The following DOCK10 variants were observed in gnomAD, a reference collection of about 807,000 sequenced individuals.
The protein encoded by DOCK10 is dedicator of cytokinesis 10.
Under a neutral mutation model 280.1 loss-of-function variants are expected in DOCK10, and 145 were observed. The ratio of observed to expected loss-of-function variants is 0.52; its 90% CI spans 0.45 to 0.59. DOCK10 has a LOEUF of 0.59. Among genes scored for constraint, DOCK10 ranks in the 20% least tolerant of loss-of-function variants. DOCK10 has a pLI of 0.00. For synonymous variants in DOCK10, 915 were observed against 942.2 expected, an observed-to-expected ratio of 0.97 and a Z score of 0.53; for missense variants, 2,368 against 2,651.7, an observed-to-expected ratio of 0.89 and a Z score of 2.35.
rs78300308 is a variant in DOCK10 at position 224,889,493 on chromosome 2, C to G, written c.417-2962G>C. ...CACTTTCAAGAGATGGTATTAGAAGCCTGCATTTAGGAAAGGTGAATCTTT... is the reference window on the plus strand; with the variant it reads ...CACTTTCAAGAGATGGTATTAGAAGGCTGCATTTAGGAAAGGTGAATCTTT... On this transcript the variant is annotated intron_variant, in intron 4 of 55. Coordinates refer to ENST00000258390, the MANE Select transcript of DOCK10 (RefSeq NM_014689.3). Among the ~76,000 whole-genome samples, 634 of 152,276 alleles carry G rather than the reference C, an allele frequency of 4.2e-3. 6 individuals carry two copies. Among genetic ancestry groups the G allele is most frequent in the Non-Finnish European group, 6.0e-3 (406 of 68,024 alleles).
In DOCK10 at chr2:224,851,541, T is replaced by C. The variant is rs1696742901; in HGVS notation, c.2142+836A>G. ...CAATCACTCAAATTGATTATTGTTC[T>C]TCTGAATAATGCTACAAATTAGAGG... On this transcript the variant is annotated intron_variant, in intron 18 of 55. Coordinates refer to ENST00000258390, the MANE Select transcript of DOCK10 (RefSeq NM_014689.3). 2.6e-5 allele frequency among the ~76,000 whole-genome samples: 4 copies of C among 152,038 alleles called. 1 individual carries two copies. The highest frequency in any genetic ancestry group is 2.6e-4 in the Admixed American group (4 of 15,268).
chr2:224,916,548 A>G, intron 3 of DOCK10, 147 bp downstream of exon 3: 1 of 317,876 alleles, frequency 3.1e-6, no homozygotes, highest in Non-Finnish European at 5.6e-6. Flanking sequence ...CTCAAAAAAA[A>G]AAAAAAAAAA....
At position 225,042,190 on chromosome 2, in the gene DOCK10, G is replaced by T. The variant is rs1263275684; in HGVS notation, c.123+62C>A. 5 of 1,221,728 alleles carry T rather than the reference G, an allele frequency of 4.1e-6. No homozygotes were observed. Among genetic ancestry groups the T allele is most frequent in the Non-Finnish European group, 5.1e-6 (5 of 981,374 alleles). The allele number at this position is 1,221,728 out of a possible 1,614,324, so 75.7% of individuals were successfully genotyped here. A position where few individuals can be genotyped will look rare whatever the true frequency, so the allele number is the denominator to read the frequency against. Reference sequence around the variant, plus strand: ...GCCCGCCGAGCTTTTGGGGAAGCTGGGCTCCGTTCCCCCCGGGCGCCTGGG... The same window carrying T: ...GCCCGCCGAGCTTTTGGGGAAGCTGTGCTCCGTTCCCCCCGGGCGCCTGGG... On this transcript the variant is annotated intron_variant, in intron 1 of 55. Transcript: ENST00000258390. The surrounding 1 kb of genome is among the most constrained non-coding windows in gnomAD (Gnocchi z 5.1).
At chr2:224,948,856 T>C (rs1703572542) in intron 1 of DOCK10, among the ~76,000 whole-genome samples, 1 of 152,228 alleles carries the variant, frequency 6.6e-6, no homozygotes, top group Non-Finnish European at 1.5e-5. Flanking sequence ...TTGAATAATC[T>C]TGAGAAACTG....
At chr2:224,956,071 A>T (rs1011646319) in intron 1 of DOCK10, among the ~76,000 whole-genome samples, 3 of 152,204 alleles carry the variant, frequency 2.0e-5, no homozygotes, top group Non-Finnish European at 4.4e-5. Context: ...AATGAAGAAT[A>T]TGGGTTGCAG....
At chr2:224,783,421 C>A (rs1691499666) in intron 50 of DOCK10, among the ~76,000 whole-genome samples, 1 of 151,952 alleles carries the variant, frequency 6.6e-6, no homozygotes, top group Non-Finnish European at 1.5e-5. Flanking sequence ...ATTACAGGCG[C>A]TCGCCACCAC....
intron 26 of DOCK10, among the ~76,000 whole-genome samples, chr2:224,833,655 A>C (rs1407158629): frequency 1.3e-5 from 2 of 149,154 alleles, no homozygotes; most frequent in Non-Finnish European, 3.0e-5. Context: ...CTATCTATGT[A>C]TCTCTCTCTC....
chr2:225,026,786 G>A (rs992748633), intron 1 of DOCK10, among the ~76,000 whole-genome samples: 2 of 151,900 alleles, frequency 1.3e-5, no homozygotes, highest in African/African-American at 2.4e-5. Context: ...AGAGAAGGGG[G>A]TCTAAGATTA....
At chr2:224,842,607 C>G (rs6744038) in intron 22 of DOCK10, among the ~76,000 whole-genome samples, 29,024 of 151,384 alleles carry the variant, frequency 0.19, 4,433 homozygotes, top group African/African-American at 0.43. Context: ...GTGTGTGTGC[C>G]CTATTTTCTC....
At chr2:225,030,270 T>C (rs1575175262) in intron 1 of DOCK10, among the ~76,000 whole-genome samples, 2 of 152,106 alleles carry the variant, frequency 1.3e-5, no homozygotes, top group African/African-American at 4.8e-5. Context: ...AGCCGTGTCA[T>C]GAAAACTCTC....
chr2:224,965,857 T>G (rs1281949922), intron 1 of DOCK10, among the ~76,000 whole-genome samples: 1 of 152,242 alleles, frequency 6.6e-6, no homozygotes, highest in Non-Finnish European at 1.5e-5. Context: ...AGGCATTATA[T>G]AAAACTCTGT....
At chr2:224,931,149 C>G (rs1022393390) in intron 2 of DOCK10, among the ~76,000 whole-genome samples, 1 of 152,192 alleles carries the variant, frequency 6.6e-6, no homozygotes, top group African/African-American at 2.4e-5. Flanking sequence ...TTAAGAACTG[C>G]ATCTTTTGTG....
chr2:224,863,408 A>G (rs1697655687), intron 13 of DOCK10, among the ~76,000 whole-genome samples: 1 of 152,056 alleles, frequency 6.6e-6, no homozygotes, highest in Non-Finnish European at 1.5e-5. Flanking sequence ...TTTCCTCAGT[A>G]TATTTCTTTG....
chr2:224,984,065 T>A (rs1218384735), intron 1 of DOCK10, among the ~76,000 whole-genome samples: 1 of 152,192 alleles, frequency 6.6e-6, no homozygotes, highest in Non-Finnish European at 1.5e-5. Flanking sequence ...ATAGGACAGT[T>A]CCTCTGGGCT....
intron 24 of DOCK10, 70 bp downstream of exon 24, chr2:224,839,884 T>A: frequency 1.6e-6 from 1 of 631,442 alleles, no homozygotes; most frequent in Non-Finnish European, 2.7e-6. Context: ...GATGACTGTT[T>A]AGTTATAATT....
intron 1 of DOCK10, among the ~76,000 whole-genome samples, chr2:224,945,670 T>C (rs943273813): frequency 6.6e-6 from 1 of 151,210 alleles, no homozygotes; most frequent in Non-Finnish European, 1.5e-5. Context: ...TATATATGCA[T>C]GTGTGTGCAT....
At chr2:224,929,862 A>G (rs1315332182) in intron 2 of DOCK10, among the ~76,000 whole-genome samples, 1 of 152,134 alleles carries the variant, frequency 6.6e-6, no homozygotes, top group Non-Finnish European at 1.5e-5. Flanking sequence ...AACTAGGAGA[A>G]AAGATGCTCC....
At chr2:224,903,888 T>TCTAGA (rs1700446479) in intron 3 of DOCK10, among the ~76,000 whole-genome samples, 1 of 152,200 alleles carries the variant, frequency 6.6e-6, no homozygotes, top group African/African-American at 2.4e-5. Context: ...TTTTAGTGAA[T>TCTAGA]AGAAAATAAG....
chr2:224,817,108 T>A (rs751301303), intron 29 of DOCK10, among the ~76,000 whole-genome samples: 1 of 152,228 alleles, frequency 6.6e-6, no homozygotes, highest in South Asian at 2.1e-4. Flanking sequence ...ACTTCTACAA[T>A]GAGCTCCTAC....
Sources: allele counts gnomAD v4.1 joint callset (sites outside exome capture counted in the v4.1 genomes callset), GRCh38; gene constraint gnomAD v4.1.1; non-coding constraint Gnocchi (gnomAD v3.1); transcripts MANE v1.5; gene names NCBI Gene and HGNC (gene_info 2026-07-23, HGNC 2026-07-21).